Variants in SMG5 observed in about 807,000 individuals in gnomAD.
The protein encoded by SMG5 is SMG5 nonsense mediated mRNA decay factor.
SMG5 carries 53 observed loss-of-function variants against 122.9 expected under a neutral mutation model. The observed-to-expected ratio is 0.43, with a 90% confidence interval of 0.35 to 0.54. The LOEUF (loss-of-function observed/expected upper bound fraction) is 0.54, where lower values mean the gene tolerates loss of function less well. Ranked by LOEUF, SMG5 falls within the 20% of genes least tolerant of loss-of-function variation. The probability of loss-of-function intolerance (pLI) is 0.01; values close to 1 mark genes in which losing one functional copy is unlikely to be tolerated. For synonymous variants in SMG5, 477 were observed against 490.2 expected, an observed-to-expected ratio of 0.97 and a Z score of 0.35; for missense variants, 1,153 against 1,285.6, an observed-to-expected ratio of 0.90 and a Z score of 1.58.
At chr1:156,284,567 A>G (rs12023438), upstream of SMG5, among the ~76,000 whole-genome samples, 36,709 of 152,114 alleles carry the variant, frequency 0.24, 4,930 homozygotes, top group Non-Finnish European at 0.29. Flanking sequence ...CCTAAATATC[A>G]GAATAGCAGA....
At chr1:156,252,831 A>G in intron 18 of SMG5, 88 bp downstream of exon 18, 1 of 1,387,310 alleles carries the variant, frequency 7.2e-7, no homozygotes, top group Non-Finnish European at 9.6e-7. Context: ...TACTGCATAT[A>G]AACTGGGCCC....
intron 4 of SMG5, among the ~76,000 whole-genome samples, chr1:156,276,419 G>A (rs2101566372): frequency 6.6e-6 from 1 of 152,290 alleles, no homozygotes; most frequent in East Asian, 1.9e-4. Context: ...GAGCCACCGT[G>A]CCCGGTCTAG....
chr1:156,269,314 T>C (rs1478149554), intron 7 of SMG5, among the ~76,000 whole-genome samples: 2 of 152,124 alleles, frequency 1.3e-5, no homozygotes, highest in African/African-American at 4.8e-5. Context: ...GGGGTCTCAC[T>C]ATGTTGACCA....
intron 16 of SMG5, among the ~76,000 whole-genome samples, chr1:156,257,514 G>A (rs1661633477): frequency 6.6e-6 from 1 of 152,078 alleles, no homozygotes; most frequent in African/African-American, 2.4e-5. Flanking sequence ...CCCCCGACAG[G>A]AAGAGTGTCT....
At chr1:156,253,306 G>A (rs1001137568) in intron 17 of SMG5, 143 bp downstream of exon 17, 2 of 947,330 alleles carry the variant, frequency 2.1e-6, no homozygotes, top group African/African-American at 3.2e-5. Context: ...AGAGTGAGTA[G>A]TAAGGAGGGT....
At chr1:156,268,016 G>A in intron 9 of SMG5, 99 bp downstream of exon 9, 1 of 1,239,074 alleles carries the variant, frequency 8.1e-7, no homozygotes. Context: ...TTCAAACTGA[G>A]GGCAGAACTC....
intron 16 of SMG5, among the ~76,000 whole-genome samples, chr1:156,255,860 GCCACT>G (rs1661556364): frequency 6.6e-6 from 1 of 152,128 alleles, no homozygotes; most frequent in Non-Finnish European, 1.5e-5. Flanking sequence ...CTATGGTCAT[GCCACT>G]GCACTTCAGC....
intron 3 of SMG5, among the ~76,000 whole-genome samples, chr1:156,277,576 G>C (rs1662742363): frequency 6.7e-6 from 1 of 148,438 alleles, no homozygotes; most frequent in African/African-American, 2.5e-5. Flanking sequence ...ACAATGGCGC[G>C]ATCTCAGCTC....
chr1:156,257,645 A>T (rs1661641609), intron 16 of SMG5, among the ~76,000 whole-genome samples: 1 of 152,206 alleles, frequency 6.6e-6, no homozygotes, highest in Admixed American at 6.5e-5. Flanking sequence ...TAGCAATAAA[A>T]GCCTTAACAA....
rs555384734 is a variant in SMG5 at position 156,278,136 on chromosome 1, C to G, written c.174-88G>C. ...GAGGGCAAGGAGTCATGTGCCAACACCCCCACCAACAAATCTCGGTGCTTC... is the reference window on the plus strand; with the variant it reads ...GAGGGCAAGGAGTCATGTGCCAACAGCCCCACCAACAAATCTCGGTGCTTC... On this transcript the variant is annotated intron_variant, in intron 2 of 21. Coordinates refer to ENST00000361813, the MANE Select transcript of SMG5 (RefSeq NM_015327.3). 3.6e-5 allele frequency: 54 copies of G among 1,506,548 alleles called. 1 individual carries two copies. In the South Asian group the frequency reaches 5.1e-4, roughly 14 times the overall value. 93.3% of individuals were successfully genotyped at this position (1,506,548 alleles called of 1,614,324 possible). A position where few individuals can be genotyped will look rare whatever the true frequency, so the allele number is the denominator to read the frequency against.
intron 7 of SMG5, among the ~76,000 whole-genome samples, chr1:156,268,663 T>C (rs2101541936): frequency 1.3e-5 from 2 of 152,344 alleles, no homozygotes; most frequent in Middle Eastern, 3.4e-3. Flanking sequence ...ATATCAATCC[T>C]ACCCTGCTAC....
chr1:156,285,389 T>A (rs1332212673), upstream of SMG5: 4 of 1,589,048 alleles, frequency 2.5e-6, no homozygotes, highest in Non-Finnish European at 3.4e-6. Flanking sequence ...TTCAGCTGGA[T>A]CTCCCACAGC....
upstream of SMG5, chr1:156,285,790 C>G: frequency 6.2e-7 from 1 of 1,613,496 alleles, no homozygotes; most frequent in South Asian, 1.1e-5. Flanking sequence ...CCTGTGGGGG[C>G]TGCGGGAGCT....
upstream of SMG5, chr1:156,283,211 A>C: frequency 5.2e-6 from 1 of 191,878 alleles, no homozygotes; most frequent in Non-Finnish European, 1.1e-5. Context: ...TTCCCCCATA[A>C]TTTAAACAAA....
Position 156,249,967 on chromosome 1 carries a change from G to A in SMG5, c.*620C>T, listed in dbSNP as rs1462338881. On this transcript the variant is annotated 3_prime_UTR_variant, in exon 22 of 22. Coordinates refer to ENST00000361813, the MANE Select transcript of SMG5 (RefSeq NM_015327.3). The stretch of plus-strand genomic sequence containing the variant: ...GGATGTGCAGCCCCTGCAGCAGGAG[G>A]AGGAGCACACGAACCCTGACCCTGC... 6.4e-6 allele frequency: 3 copies of A among 470,762 alleles called. No individual in the cohort carries two copies. Among genetic ancestry groups the A allele is most frequent in the Non-Finnish European group, 1.3e-5 (3 of 226,804 alleles). The allele number at this position is 470,762 out of a possible 1,614,324, so 29.2% of individuals were successfully genotyped here.
upstream of SMG5, chr1:156,286,386 T>G (rs777206423): frequency 1.9e-6 from 3 of 1,614,140 alleles, no homozygotes; most frequent in Non-Finnish European, 1.7e-6. Context: ...ATTCTCTACT[T>G]CTTCAACCTG....
the SMG5 span, among the ~76,000 whole-genome samples, chr1:156,288,557 C>T: frequency 1.3e-5 from 2 of 151,938 alleles, no homozygotes; most frequent in African/African-American, 2.4e-5. Flanking sequence ...AGGCTGGTCT[C>T]GAACTTCTGA....
rs371638319 is a variant in SMG5 at position 156,250,582 on chromosome 1, C to T, written c.*5G>A. 3 of 1,613,564 alleles carry T rather than the reference C, an allele frequency of 1.9e-6. No homozygotes were observed. The African/African-American group carries it at 4.0e-5, about 22-fold the overall frequency. On this transcript the variant is annotated 3_prime_UTR_variant, in exon 22 of 22. Transcript: ENST00000361813. ...CAGCCCCACTGCAGGGCCTGGGGGT[C>T]AGTATCAACCAATTTCCTTCCACTG...
chr1:156,250,326 G>A lies in SMG5; in HGVS notation c.*261C>T. ...CCCCTGGAGACAGCAGGGGAGCTGAGGCAGGAAGGCTGGCCAGGGGCCCAC... is the reference window on the plus strand; with the variant it reads ...CCCCTGGAGACAGCAGGGGAGCTGAAGCAGGAAGGCTGGCCAGGGGCCCAC... On this transcript the variant is annotated 3_prime_UTR_variant, in exon 22 of 22. Transcript: ENST00000361813. The A allele has an allele frequency of 2.1e-6, 1 of 486,028 alleles. No homozygotes were observed. The highest frequency in any genetic ancestry group is 3.5e-5 in the Admixed American group (1 of 28,306). 30.1% of individuals were successfully genotyped at this position (486,028 alleles called of 1,614,324 possible).
Sources: allele counts gnomAD v4.1 joint callset (sites outside exome capture counted in the v4.1 genomes callset), GRCh38; gene constraint gnomAD v4.1.1; transcripts MANE v1.5; gene names NCBI Gene and HGNC (gene_info 2026-07-23, HGNC 2026-07-21).